The following PDE4D variants were observed in gnomAD, a reference collection of about 807,000 sequenced individuals.
PDE4D encodes 3',5'-cyclic-AMP phosphodiesterase 4D.
Under a neutral mutation model 87.4 loss-of-function variants are expected in PDE4D, and 24 were observed. The observed-to-expected ratio is 0.27, with a 90% confidence interval of 0.20 to 0.39. The LOEUF (loss-of-function observed/expected upper bound fraction) is 0.39. Ranked by LOEUF, PDE4D falls within the 10% of genes least tolerant of loss-of-function variation. PDE4D has a pLI of 1.00. For missense variants in PDE4D, 714 were observed against 1,041.0 expected (o/e 0.69, Z 4.32); for synonymous variants, 384 against 383.2 (o/e 1.00, Z -0.02).
intron 1 of PDE4D, among the ~76,000 whole-genome samples, chr5:59,436,013 T>C (rs1796756223): frequency 6.6e-6 from 1 of 152,150 alleles, no homozygotes; most frequent in South Asian, 2.1e-4. Context: ...TAAAGAAAAG[T>C]TATCCAAATA....
At chr5:60,481,381 T>C (rs949403725) in intron 1 of PDE4D, among the ~76,000 whole-genome samples, 19 of 152,100 alleles carry the variant, frequency 1.2e-4, no homozygotes, top group Non-Finnish European at 2.5e-4. Context: ...ATTTGTGATA[T>C]AAATACTTTT....
chr5:60,409,610 A>G (rs1016845404), intron 1 of PDE4D, among the ~76,000 whole-genome samples: 1 of 152,184 alleles, frequency 6.6e-6, no homozygotes, highest in Non-Finnish European at 1.5e-5. Flanking sequence ...GGAAAACATC[A>G]CTGTGCTCTT....
At chr5:59,054,568 A>G (rs1174596407) in intron 5 of PDE4D, among the ~76,000 whole-genome samples, 35 of 151,978 alleles carry the variant, frequency 2.3e-4, no homozygotes, top group Admixed American at 2.3e-3. Flanking sequence ...CAAACCATGC[A>G]TTTCAGTATA....
intron 1 of PDE4D, among the ~76,000 whole-genome samples, chr5:59,539,123 C>T (rs377581938): frequency 1.3e-5 from 2 of 152,138 alleles, no homozygotes; most frequent in Non-Finnish European, 1.5e-5. Context: ...ACCACTGGAC[C>T]TCTGGCTTCA....
intron 1 of PDE4D, among the ~76,000 whole-genome samples, chr5:59,742,105 C>T (rs997424613): frequency 2.5e-4 from 38 of 152,038 alleles, no homozygotes; most frequent in African/African-American, 8.0e-4. Context: ...CTCTTGTCGC[C>T]CAGGCTGGAG....
At chr5:59,917,185 T>C (rs1475676417) in intron 3 of PDE4D, among the ~76,000 whole-genome samples, 1 of 152,068 alleles carries the variant, frequency 6.6e-6, no homozygotes, top group Non-Finnish European at 1.5e-5. Flanking sequence ...TGAATTCTAC[T>C]TTGACATCTA....
intron 5 of PDE4D, among the ~76,000 whole-genome samples, chr5:59,112,999 C>G (rs1772951054): frequency 6.6e-6 from 1 of 151,994 alleles, no homozygotes; most frequent in Admixed American, 6.6e-5. Flanking sequence ...TGGGGTTTCT[C>G]CATGTTGGTC....
At chr5:60,371,446 T>C (rs1256596368) in intron 1 of PDE4D, among the ~76,000 whole-genome samples, 1 of 152,214 alleles carries the variant, frequency 6.6e-6, no homozygotes, top group East Asian at 1.9e-4. Context: ...CAGCCTTTTT[T>C]TCCTAGCTGC....
chr5:59,089,309 G>A (rs986714665), intron 5 of PDE4D, among the ~76,000 whole-genome samples: 22 of 151,970 alleles, frequency 1.4e-4, no homozygotes, highest in African/African-American at 5.1e-4. Flanking sequence ...TTCAAGATAA[G>A]GAAACTAATT....
intron 1 of PDE4D, among the ~76,000 whole-genome samples, chr5:59,414,551 G>A (rs1055545249): frequency 3.3e-5 from 5 of 152,174 alleles, no homozygotes; most frequent in Non-Finnish European, 7.4e-5. Context: ...CTATACCAGA[G>A]GATCTGTGTG....
chr5:59,321,015 C>A (rs1360435545), intron 1 of PDE4D, among the ~76,000 whole-genome samples: 1 of 152,110 alleles, frequency 6.6e-6, no homozygotes, highest in Non-Finnish European at 1.5e-5. Flanking sequence ...AAAGACCCAT[C>A]CTTGGAGAAA....
At chr5:60,240,716 A>G (rs930732225) in intron 1 of PDE4D, among the ~76,000 whole-genome samples, 1 of 152,120 alleles carries the variant, frequency 6.6e-6, no homozygotes, top group African/African-American at 2.4e-5. Context: ...AAGTAACGGA[A>G]GAGAACAATA....
intron 2 of PDE4D, among the ~76,000 whole-genome samples, chr5:59,213,920 T>C (rs1254025715): frequency 6.6e-6 from 1 of 151,948 alleles, no homozygotes; most frequent in African/African-American, 2.4e-5. Flanking sequence ...TGCCCTTTGT[T>C]CCTCATCACC....
chr5:60,241,057 C>G (rs913094632), intron 1 of PDE4D, among the ~76,000 whole-genome samples: 4 of 152,040 alleles, frequency 2.6e-5, no homozygotes, highest in Admixed American at 2.0e-4. Flanking sequence ...ACCTGGGAAA[C>G]AGATATATGT....
rs537762365 is a variant in PDE4D, at chr5:59,200,030, C to A, written c.648-6494G>T. On this transcript the variant is annotated intron_variant, in intron 2 of 14. Coordinates refer to ENST00000340635, the MANE Select transcript of PDE4D (RefSeq NM_001104631.2). ...ACATACATACATGCACATATACATA[C>A]ATGCACACACACGTATGTACACACA... is the stretch of plus-strand genomic sequence containing the variant. 2.0e-5 allele frequency among the ~76,000 whole-genome samples: 3 copies of A among 148,100 alleles called. No individual in the cohort carries two copies. The East Asian group carries it at 6.1e-4, about 30-fold the overall frequency.
At chr5:59,473,673 T>C (rs1415440437) in intron 1 of PDE4D, among the ~76,000 whole-genome samples, 1 of 152,128 alleles carries the variant, frequency 6.6e-6, no homozygotes, top group African/African-American at 2.4e-5. Context: ...TTCCTGACAA[T>C]GAATCTGCAT....
At chr5:59,610,748 C>T (rs548231317) in intron 1 of PDE4D, among the ~76,000 whole-genome samples, 9 of 151,990 alleles carry the variant, frequency 5.9e-5, no homozygotes, top group East Asian at 5.8e-4. Context: ...AATAAGTAAA[C>T]GAGGGGGAAA....
At chr5:60,049,701 T>C (rs1361740914) in intron 2 of PDE4D, among the ~76,000 whole-genome samples, 1 of 152,188 alleles carries the variant, frequency 6.6e-6, no homozygotes, top group Non-Finnish European at 1.5e-5. Flanking sequence ...CAGGGACCCA[T>C]CTGAGGAGGC....
chr5:59,055,189 G>A lies in PDE4D; in HGVS notation c.809-16218C>T, dbSNP rs558899880. On this transcript the variant is annotated intron_variant, in intron 5 of 14. Transcript: ENST00000340635. ...AGGAGCAGACCACCATATATCCTAG[G>A]CATTTCATTGGCAAATGAACAGGAG... 6.2e-4 allele frequency among the ~76,000 whole-genome samples: 95 copies of A among 152,168 alleles called. 2 individuals are homozygous for A. Among genetic ancestry groups the A allele is most frequent in the Middle Eastern group, 6.8e-3 (2 of 294 alleles).
Sources: gnomAD v4.1 joint callset for allele counts (sites outside exome capture counted in the v4.1 genomes callset) on GRCh38, gnomAD v4.1.1 for gene constraint, MANE v1.5 for transcripts, NCBI Gene and HGNC (gene_info 2026-07-23, HGNC 2026-07-21) for gene names.